ZNF846: variants seen among roughly 807,000 people sequenced by gnomAD.
ZNF846 encodes zinc finger protein 846.
A neutral mutation model predicts 16.0 loss-of-function variants in ZNF846; 15 were observed. That is an observed-to-expected ratio of 0.94 (90% CI 0.63 to 1.45). The LOEUF (loss-of-function observed/expected upper bound fraction) is 1.45, where lower values mean the gene tolerates loss of function less well. ZNF846 is among the 40% of genes most tolerant of loss of function. ZNF846 has a pLI of 0.00. For synonymous variants in ZNF846, 229 were observed against 212.0 expected (o/e 1.08, Z -0.70); for missense variants, 714 against 622.3 (o/e 1.15, Z -1.57).
chr19:9,768,538 G>A (rs953306656), exon 1 of ZNF846: 2 of 152,350 alleles, frequency 1.3e-5, no homozygotes, highest in African/African-American at 4.8e-5. Context: ...CGGGGTCCTG[G>A]CGGGGAGGAG....
intron 5 of ZNF846, 116 bp from the exon 6 acceptor site, chr19:9,758,880 A>G: frequency 2.2e-6 from 2 of 892,870 alleles, no homozygotes; most frequent in Non-Finnish European, 3.2e-6. Flanking sequence ...TAACATATCC[A>G]TTATATGTAC....
intron 1 of ZNF846, among the ~76,000 whole-genome samples, chr19:9,767,140 T>C (rs2045329266): frequency 6.6e-6 from 1 of 151,684 alleles, no homozygotes. Flanking sequence ...TTTTATTTAT[T>C]TATTTATTTA....
chr19:9,752,802 G>A (rs1329931890), downstream of ZNF846, among the ~76,000 whole-genome samples: 1 of 151,714 alleles, frequency 6.6e-6, no homozygotes, highest in Non-Finnish European at 1.5e-5. Context: ...ACATTCCTTG[G>A]CTTAGTCTTT....
exon 6 of ZNF846, chr19:9,758,089 G>C: frequency 6.2e-7 from 1 of 1,613,180 alleles, no homozygotes; most frequent in South Asian, 1.1e-5. Context: ...GTGTGAATTC[G>C]CATGTGTAAA....
chr19:9,776,298 G>A (rs1055662668), intron 1 of ZNF846, among the ~76,000 whole-genome samples: 15 of 152,116 alleles, frequency 9.9e-5, no homozygotes, highest in South Asian at 2.1e-4. Flanking sequence ...AGGCCCAACC[G>A]TCTCCCTGTG....
At chr19:9,771,473 C>T (rs1392985861), upstream of ZNF846, among the ~76,000 whole-genome samples, 1 of 152,182 alleles carries the variant, frequency 6.6e-6, no homozygotes, top group Non-Finnish European at 1.5e-5. Flanking sequence ...CCACTGCGCC[C>T]ACCCAAAGTT....
intron 5 of ZNF846, 21 bp downstream of exon 5, chr19:9,759,839 T>C (rs1568322642): frequency 6.3e-7 from 1 of 1,588,172 alleles, no homozygotes; most frequent in Non-Finnish European, 8.6e-7. Context: ...TGTGGAAGAT[T>C]TCATCCCTTG....
chr19:9,751,403 A>T (rs1280163396), downstream of ZNF846, among the ~76,000 whole-genome samples: 1 of 152,096 alleles, frequency 6.6e-6, no homozygotes, highest in East Asian at 1.9e-4. Context: ...ATTTCTTATT[A>T]ACATAAAAAA....
intron 1 of ZNF846, among the ~76,000 whole-genome samples, chr19:9,773,727 A>C (rs1485237500): frequency 6.6e-6 from 1 of 152,124 alleles, no homozygotes; most frequent in Non-Finnish European, 1.5e-5. Flanking sequence ...GGTTGCAGTG[A>C]GCCGAGATTG....
exon 4 of ZNF846, chr19:9,762,166 C>G (rs1344491605): frequency 6.2e-7 from 1 of 1,613,778 alleles, no homozygotes; most frequent in East Asian, 2.2e-5. Context: ...AATTCAGACC[C>G]TGCTGGAGGG....
downstream of ZNF846, chr19:9,751,991 T>G (rs1415981613): frequency 6.6e-6 from 1 of 152,278 alleles, no homozygotes; most frequent in Admixed American, 6.5e-5. Flanking sequence ...AAATGAGATC[T>G]TGCGGGGTGC....
At chr19:9,771,241 G>C (rs1312704540), upstream of ZNF846, among the ~76,000 whole-genome samples, 1 of 152,032 alleles carries the variant, frequency 6.6e-6, no homozygotes, top group Non-Finnish European at 1.5e-5. Context: ...CTGGAGTGTA[G>C]TGACATGATC....
chr19:9,765,673 AAAAC>A lies in ZNF846; in HGVS notation c.-85-642_-85-639del, dbSNP rs907897144. ...GGGTGACAGAGCAAGACTCCATCTC[AAAAC>A]AAACAAACAAACAAACAAATAAAGC... On this transcript the variant is annotated intron_variant, in intron 1 of 5. Coordinates refer to ENST00000397902, the Ensembl canonical transcript of ZNF846. Among the ~76,000 whole-genome samples, 40 of 152,250 alleles carry A rather than the reference AAAAC, an allele frequency of 2.6e-4. 1 individual carries two copies. The South Asian group carries it at 3.1e-3, about 12-fold the overall frequency.
intron 1 of ZNF846, among the ~76,000 whole-genome samples, chr19:9,780,169 C>T (rs1450431631): frequency 4.7e-5 from 7 of 150,250 alleles, no homozygotes; most frequent in African/African-American, 1.7e-4. Context: ...GAATTATAGG[C>T]ATGAGCCACT....
At position 9,757,827 on chromosome 19, in the gene ZNF846, GT is replaced by G. The variant is rs769090145; in HGVS notation, c.1249del (p.Thr417LeufsTer25). On this transcript the variant is annotated frameshift_variant, in exon 6 of 6. Coordinates refer to ENST00000397902, the Ensembl canonical transcript of ZNF846. LOFTEE classifies it low-confidence loss of function (END_TRUNC). ...TTTGCATTCATATGGCTTCTCTCCA[GT>G]GTGAATCCTTACATGTTGACTAAGC... is the stretch of plus-strand genomic sequence containing the variant. 67 of 1,613,026 alleles carry G rather than the reference GT, an allele frequency of 4.2e-5. No individual in the cohort carries two copies. The highest frequency in any genetic ancestry group is 3.3e-4 in the Middle Eastern group (2 of 6,080).
chr19:9,777,668 C>CAA (rs57809806), intron 1 of ZNF846, among the ~76,000 whole-genome samples: 11 of 143,810 alleles, frequency 7.6e-5, no homozygotes, highest in African/African-American at 1.1e-4. Flanking sequence ...AGACTCTGTC[C>CAA]AAAAAAAAAA....
At chr19:9,762,392 C>A (rs896663994) in intron 3 of ZNF846, 1 of 400,892 alleles carries the variant, frequency 2.5e-6, no homozygotes, top group Middle Eastern at 7.3e-4. Context: ...TACCTCAGCA[C>A]TTTGGGAAGC....
chr19:9,777,804 C>T (rs2045462528), intron 1 of ZNF846, among the ~76,000 whole-genome samples: 1 of 152,010 alleles, frequency 6.6e-6, no homozygotes, highest in African/African-American at 2.4e-5. Flanking sequence ...TGAGACCAAG[C>T]TAGCTAACAT....
In ZNF846 at chr19:9,774,656, G is replaced by A. The variant is rs552338617; in HGVS notation, c.-85-9621C>T. On this transcript the variant is annotated intron_variant, in intron 1 of 4. Transcript: ENST00000586814. Reference sequence around the variant, plus strand: ...ATATGATTAGGTGACCTTCAGAATCGAAATCAACTTTCCAGCAGAGTATCC... The same window carrying A: ...ATATGATTAGGTGACCTTCAGAATCAAAATCAACTTTCCAGCAGAGTATCC... 163 of 1,461,796 alleles carry A rather than the reference G, an allele frequency of 1.1e-4. 1 individual carries two copies. The South Asian group carries it at 1.5e-3, about 14-fold the overall frequency. 90.6% of individuals were successfully genotyped at this position (1,461,796 alleles called of 1,614,324 possible).
Sources: gnomAD v4.1 joint callset for allele counts (sites outside exome capture counted in the v4.1 genomes callset) on GRCh38, gnomAD v4.1.1 for gene constraint, MANE v1.5 for transcripts, NCBI Gene and HGNC (gene_info 2026-07-23, HGNC 2026-07-21) for gene names.